PLEKHG4: variants seen among roughly 807,000 people sequenced by gnomAD.
The protein encoded by PLEKHG4 is puratrophin-1.
In PLEKHG4, 85 loss-of-function variants were observed where a neutral mutation model predicts 136.9. The ratio of observed to expected loss-of-function variants is 0.62; its 90% CI spans 0.52 to 0.74. The LOEUF (loss-of-function observed/expected upper bound fraction) is 0.74, where lower values mean the gene tolerates loss of function less well. Among genes scored for constraint, PLEKHG4 ranks in the 30% least tolerant of loss-of-function variants. The pLI is 0.00. For synonymous variants in PLEKHG4, 577 were observed against 646.9 expected (o/e 0.89, Z 1.64); for missense variants, 1,317 against 1,527.8 (o/e 0.86, Z 2.30).
rs980017362 is a variant in PLEKHG4, at chr16:67,287,791, A to G, written c.3104-107A>G. On this transcript the variant is annotated intron_variant, in intron 18 of 21. Coordinates refer to ENST00000379344, the MANE Select transcript of PLEKHG4 (RefSeq NM_001129729.3). ...GAAAGGCTCAGCTCACAGGACAGTT[A>G]ATGTGCTGGATGGAGGTGTACAGGA... The G allele has an allele frequency of 1.9e-5, 15 of 789,922 alleles. No individual in the cohort carries two copies. The African/African-American group carries it at 2.4e-4, about 12-fold the overall frequency. 48.9% of individuals were successfully genotyped at this position (789,922 alleles called of 1,614,324 possible). A position where few individuals can be genotyped will look rare whatever the true frequency, so the allele number is the denominator to read the frequency against.
At chr16:67,282,703 A>G (rs2036290954) in intron 10 of PLEKHG4, 39 bp from the exon 11 acceptor site, 2 of 1,613,244 alleles carry the variant, frequency 1.2e-6, no homozygotes, top group Non-Finnish European at 1.7e-6. Flanking sequence ...CCCAGTCCAT[A>G]GCAGCTCTCT....
Position 67,285,104 on chromosome 16 carries a change from A to G in PLEKHG4, c.2084A>G (p.His695Arg), listed in dbSNP as rs2036406461. The change falls in exon 13 of 22, where the codon CAT (histidine) becomes CGT (arginine). Residue 695 changes from histidine to arginine, a missense_variant. His to Arg is a conservative substitution (Grantham distance 29). Coordinates refer to ENST00000379344, the MANE Select transcript of PLEKHG4 (RefSeq NM_001129729.3). ...SLSEPACHCHHAATIAACRRP... is the reference protein window; with the variant it reads ...SLSEPACHCHRAATIAACRRP... ...AGTGAACCTGCCTGCCACTGCCACCATGCGGCCACTATTGCTGCCTGCCGC... is the reference window on the plus strand; with the variant it reads ...AGTGAACCTGCCTGCCACTGCCACCGTGCGGCCACTATTGCTGCCTGCCGC... 7 of 1,613,408 alleles carry G rather than the reference A, an allele frequency of 4.3e-6. No homozygotes were observed. Among genetic ancestry groups the G allele is most frequent in the South Asian group, 1.1e-5 (1 of 91,084 alleles).
chr16:67,287,632 A>G (rs564131567), intron 18 of PLEKHG4: 4 of 544,762 alleles, frequency 7.3e-6, no homozygotes, highest in South Asian at 4.0e-5. Context: ...GGCTCAAACA[A>G]TCCTCCTACC....
Position 67,281,567 on chromosome 16 carries a change from G to A in PLEKHG4, c.814G>A (p.Glu272Lys), listed in dbSNP as rs768430349. The A allele has an allele frequency of 6.2e-7, 1 of 1,613,236 alleles. No individual in the cohort carries two copies. Among genetic ancestry groups the A allele is most frequent in the East Asian group, 2.2e-5 (1 of 44,872 alleles). Residue 272 changes from glutamate to lysine, a missense_variant and splice_region_variant, in exon 6 of 22, where the codon GAA (glutamate) becomes AAA (lysine). Coordinates refer to ENST00000379344, the MANE Select transcript of PLEKHG4 (RefSeq NM_001129729.3). ...SLFSGLSQLQEAAPGAVYQVL... is the reference protein window; with the variant it reads ...SLFSGLSQLQKAAPGAVYQVL... ...AGTGCTGAGCTCAGGTTCCTTGCAG[G>A]AAGCAGCCCCAGGGGCCGTGTACCA... is the stretch of plus-strand genomic sequence containing the variant.
chr16:67,281,666 G>A, intron 6 of PLEKHG4, 22 bp downstream of exon 6: 1 of 1,613,478 alleles, frequency 6.2e-7, no homozygotes, highest in Non-Finnish European at 8.5e-7. Flanking sequence ...AGTTGGCTAG[G>A]GGTAGAGGTG....
rs1172154460 is a variant in PLEKHG4 at position 67,283,777 on chromosome 16, A to T, written c.1510-498A>T. Among the ~76,000 whole-genome samples the T allele has an allele frequency of 2.0e-5, 3 of 152,054 alleles. No individual in the cohort carries two copies. In the East Asian group the frequency reaches 5.8e-4, roughly 29 times the overall value. On this transcript the variant is annotated intron_variant, in intron 11 of 21. Coordinates refer to ENST00000379344, the MANE Select transcript of PLEKHG4 (RefSeq NM_001129729.3). ...CAGAGGAGAGGTCTAGCTGGAGAGG[A>T]TCACTTGGTGGGTCCAGGTGTTTGG...
At chr16:67,279,296 G>C (rs560488718), upstream of PLEKHG4, 50 of 152,276 alleles carry the variant, frequency 3.3e-4, no homozygotes, top group African/African-American at 1.2e-3. Context: ...GCGGTCTGCG[G>C]GGCCCGGGGG....
At chr16:67,285,674 C>T (rs1161700991) in intron 14 of PLEKHG4, 138 bp downstream of exon 14, 12 of 969,150 alleles carry the variant, frequency 1.2e-5, no homozygotes, top group Non-Finnish European at 1.9e-5. Context: ...CCTGAGGGTG[C>T]TCTTAGTCCA....
At chr16:67,286,941 C>T in intron 17 of PLEKHG4, 22 bp downstream of exon 17, 2 of 1,613,360 alleles carry the variant, frequency 1.2e-6, no homozygotes, top group Non-Finnish European at 1.7e-6. Context: ...CACCCCAGGC[C>T]CCACCACTTG....
At chr16:67,278,000 T>C (rs1006639718), upstream of PLEKHG4, 13 of 151,838 alleles carry the variant, frequency 8.6e-5, no homozygotes, top group African/African-American at 3.1e-4. Context: ...TTCACAGGGG[T>C]ATGTGTGCCC....
In PLEKHG4 at chr16:67,282,236, G is replaced by A; in HGVS notation, c.1140G>A (p.Leu380=). ...VGQLLQQTEV[L]MQQVLDSPWL... is the part of the protein sequence containing the mutation. ...AGCTGCTACAGCAGACAGAGGTCCTGATGCAGCAGGTGCTAGACTCGCCAT... is the reference window on the plus strand; with the variant it reads ...AGCTGCTACAGCAGACAGAGGTCCTAATGCAGCAGGTGCTAGACTCGCCAT... Residue 380 remains leucine, a synonymous_variant, in exon 9 of 22, where the codon CTG becomes CTA. Coordinates refer to ENST00000379344, the MANE Select transcript of PLEKHG4 (RefSeq NM_001129729.3). The A allele has an allele frequency of 6.2e-7, 1 of 1,613,592 alleles. No homozygotes were observed. The highest frequency in any genetic ancestry group is 8.5e-7 in the Non-Finnish European group (1 of 1,180,044).
At position 67,288,884 on chromosome 16, in the gene PLEKHG4, C is replaced by G; in HGVS notation, c.*76C>G. 6.5e-7 allele frequency: 1 copy of G among 1,540,898 alleles called. No individual in the cohort carries two copies. Among genetic ancestry groups the G allele is most frequent in the South Asian group, 1.2e-5 (1 of 86,920 alleles). On this transcript the variant is annotated 3_prime_UTR_variant, in exon 22 of 22. Coordinates refer to ENST00000379344, the MANE Select transcript of PLEKHG4 (RefSeq NM_001129729.3). ...ATTGCCTCTCTGGATCTGCTGTGAC[C>G]AGGGTGTGGCTGACACCTGGGCTAC...
rs1008044904 is a variant in PLEKHG4, at chr16:67,285,609, G to A, written c.2442+73G>A. On this transcript the variant is annotated intron_variant, in intron 14 of 21. Coordinates refer to ENST00000379344, the MANE Select transcript of PLEKHG4 (RefSeq NM_001129729.3). ...GAAGTTGCTGCTGGGCACATGCTTG[G>A]TGCCAGTCCCTGTGCTATGAGTATA... 6 of 1,555,654 alleles carry A rather than the reference G, an allele frequency of 3.9e-6. No homozygotes were observed. In the African/African-American group the frequency reaches 6.8e-5, roughly 18 times the overall value.
Position 67,280,185 on chromosome 16 carries a change from TC to T in PLEKHG4, c.143del (p.Pro48LeufsTer40). 1.2e-6 allele frequency: 2 copies of T among 1,613,836 alleles called. No individual in the cohort carries two copies. Among genetic ancestry groups the T allele is most frequent in the South Asian group, 2.2e-5 (2 of 91,084 alleles). ...CCCAGATGCACGTTAAGGACCCAGG[TC>T]CTCCAAGACCACCAGCCGGGGCCAC... ...ASQMHVKDPG[P>X]PRPPAGATQD... On this transcript the variant is annotated frameshift_variant, in exon 2 of 22. Transcript: ENST00000379344. LOFTEE classifies it high-confidence loss of function. The surrounding 1 kb of genome is among the most constrained non-coding windows in gnomAD (Gnocchi z 4.4).
At position 67,285,494 on chromosome 16, in the gene PLEKHG4, C is replaced by T. The variant is rs2036427901; in HGVS notation, c.2400C>T (p.Cys800=). The T allele has an allele frequency of 1.2e-6, 2 of 1,612,626 alleles. No homozygotes were observed. The highest frequency in any genetic ancestry group is 1.3e-5 in the African/African-American group (1 of 74,946). Residue 800 remains cysteine, a synonymous_variant, in exon 14 of 22, where the codon TGC becomes TGT. Transcript: ENST00000379344. The part of the protein sequence containing the change: ...CHFFLRELEA[C]TRHPPRVAYA... ...TCTTCCTGCGTGAGCTGGAGGCTTG[C>T]ACCCGGCACCCACCACGAGTGGCCT...
intron 18 of PLEKHG4, chr16:67,287,685 G>A (rs1176568484): frequency 1.8e-5 from 11 of 622,266 alleles, no homozygotes; most frequent in East Asian, 2.8e-5. Context: ...GAGCCACTGC[G>A]CCCAGCCAGG....
At chr16:67,281,041 C>T (rs142455848) in intron 4 of PLEKHG4, 36 bp downstream of exon 4, 16,319 of 1,613,968 alleles carry the variant, frequency 0.01, 106 homozygotes, top group Non-Finnish European at 0.012. Context: ...GAGCCTGAGC[C>T]AGCTGTGAGG....
At position 67,280,102 on chromosome 16, in the gene PLEKHG4, G is replaced by A; in HGVS notation, c.58G>A (p.Asp20Asn). 2.5e-6 allele frequency: 4 copies of A among 1,613,828 alleles called. No homozygotes were observed. Among genetic ancestry groups the A allele is most frequent in the Non-Finnish European group, 3.4e-6 (4 of 1,179,940 alleles). Reference protein sequence around the residue: ...ESPDSQGHATDWRFAVCSFRD... With the variant: ...ESPDSQGHATNWRFAVCSFRD... Reference sequence around the variant, plus strand: ...CCCAGACTCTCAGGGCCATGCCACCGACTGGAGATTTGCTGTGTGCAGTTT... The same window carrying A: ...CCCAGACTCTCAGGGCCATGCCACCAACTGGAGATTTGCTGTGTGCAGTTT... The change falls in exon 2 of 22, where the codon GAC (aspartate) becomes AAC (asparagine). Residue 20 changes from aspartate to asparagine, a missense_variant. Transcript: ENST00000379344. The surrounding 1 kb of genome is among the most constrained non-coding windows in gnomAD (Gnocchi z 4.4).
At position 67,280,004 on chromosome 16, in the gene PLEKHG4, C is replaced by T. The variant is rs1458911471; in HGVS notation, c.-41C>T. On this transcript the variant is annotated 5_prime_UTR_variant, in exon 2 of 22. Transcript: ENST00000379344. This position sits in a 1 kb window ranked among gnomAD's most constrained non-coding sequence, Gnocchi z 4.4. ...GCGGTTCACACTGAGACCCAGCCCT[C>T]TCCCGCTGGCCCCGAGCAGGCCCAC... The T allele has an allele frequency of 5.0e-6, 8 of 1,602,390 alleles. No homozygotes were observed. Among genetic ancestry groups the T allele is most frequent in the Non-Finnish European group, 6.8e-6 (8 of 1,174,060 alleles).
Sources: allele counts gnomAD v4.1 joint callset (sites outside exome capture counted in the v4.1 genomes callset), GRCh38; gene constraint gnomAD v4.1.1; non-coding constraint Gnocchi (gnomAD v3.1); transcripts MANE v1.5; gene names NCBI Gene and HGNC (gene_info 2026-07-23, HGNC 2026-07-21).